The following LRRTM4 variants were observed in gnomAD, a reference collection of about 807,000 sequenced individuals.
The protein encoded by LRRTM4 is leucine rich repeat transmembrane neuronal 4.
A neutral mutation model predicts 47.6 loss-of-function variants in LRRTM4; 25 were observed. The ratio of observed to expected loss-of-function variants is 0.53; its 90% CI spans 0.38 to 0.73. The LOEUF (loss-of-function observed/expected upper bound fraction) is 0.73. Among genes scored for constraint, LRRTM4 ranks in the 30% least tolerant of loss-of-function variants. The probability of loss-of-function intolerance (pLI) is 0.00; values close to 1 mark genes in which losing one functional copy is unlikely to be tolerated. For synonymous variants in LRRTM4, 311 were observed against 269.5 expected (o/e 1.15, Z -1.51); for missense variants, 638 against 713.4 (o/e 0.89, Z 1.20).
intron 3 of LRRTM4, among the ~76,000 whole-genome samples, chr2:77,073,394 T>C (rs1229776204): frequency 6.6e-6 from 1 of 151,084 alleles, no homozygotes; most frequent in African/African-American, 2.5e-5. Flanking sequence ...ATCAGATAAA[T>C]ACATTAATTA....
chr2:77,311,942 C>G lies in LRRTM4; in HGVS notation c.1551+206376G>C, dbSNP rs151182926. Among the ~76,000 whole-genome samples the G allele has an allele frequency of 3.3e-5, 5 of 152,206 alleles. No individual in the cohort carries two copies. In the South Asian group the frequency reaches 1.0e-3, roughly 32 times the overall value. On this transcript the variant is annotated intron_variant, in intron 3 of 3. Transcript: ENST00000409884. The stretch of plus-strand genomic sequence containing the variant: ...GGCAAAGCATGTGGGGCTTAATGGA[C>G]GCTGGTTTTGTTTCCTCCTTACTAC...
At chr2:76,798,598 A>G (rs865898683) in intron 3 of LRRTM4, among the ~76,000 whole-genome samples, 22 of 150,268 alleles carry the variant, frequency 1.5e-4, no homozygotes, top group African/African-American at 5.2e-4. Flanking sequence ...AATAACTAAA[A>G]TCACAGCAGA....
chr2:77,396,127 T>TA (rs1192224185), intron 3 of LRRTM4, among the ~76,000 whole-genome samples: 25 of 151,954 alleles, frequency 1.6e-4, no homozygotes, highest in African/African-American at 5.6e-4. Flanking sequence ...TTTTTTTAAT[T>TA]AAAACCACCA....
At chr2:77,335,051 A>T (rs895751506) in intron 3 of LRRTM4, among the ~76,000 whole-genome samples, 17 of 152,080 alleles carry the variant, frequency 1.1e-4, no homozygotes, top group East Asian at 1.9e-4. Context: ...TTCTCATTTT[A>T]ATGCCTCTAA....
chr2:76,775,170 C>T (rs1176993660), intron 3 of LRRTM4, among the ~76,000 whole-genome samples: 2 of 152,120 alleles, frequency 1.3e-5, no homozygotes, highest in African/African-American at 4.8e-5. Context: ...TTGTTTCTTC[C>T]AGCAGGCATT....
At chr2:77,088,639 G>T (rs572098873) in intron 3 of LRRTM4, among the ~76,000 whole-genome samples, 1 of 152,242 alleles carries the variant, frequency 6.6e-6, no homozygotes, top group African/African-American at 2.4e-5. Context: ...CTCACACAAA[G>T]CCTGTTTGGT....
At chr2:76,752,437 G>T (rs1672883441) in intron 3 of LRRTM4, among the ~76,000 whole-genome samples, 1 of 152,118 alleles carries the variant, frequency 6.6e-6, no homozygotes, top group Non-Finnish European at 1.5e-5. Flanking sequence ...TACAATTGCA[G>T]TTTATTTTTT....
intron 3 of LRRTM4, among the ~76,000 whole-genome samples, chr2:77,509,849 G>C (rs1320992504): frequency 6.6e-6 from 1 of 152,122 alleles, no homozygotes; most frequent in Non-Finnish European, 1.5e-5. Context: ...GAAGTAAAGA[G>C]AGTCTGCTTC....
chr2:76,981,807 A>C (rs568864481), intron 3 of LRRTM4, among the ~76,000 whole-genome samples: 1 of 151,858 alleles, frequency 6.6e-6, no homozygotes, highest in Non-Finnish European at 1.5e-5. Context: ...CTTTTTTTTT[A>C]AATCTATTAA....
At chr2:76,801,692 A>T (rs116540512) in intron 3 of LRRTM4, among the ~76,000 whole-genome samples, 2,214 of 152,212 alleles carry the variant, frequency 0.015, 51 homozygotes, top group African/African-American at 0.049. Flanking sequence ...ACAGGTTAAC[A>T]TCCCTGGTGA....
chr2:76,771,315 T>C (rs962744933), intron 3 of LRRTM4, among the ~76,000 whole-genome samples: 1 of 152,136 alleles, frequency 6.6e-6, no homozygotes, highest in Non-Finnish European at 1.5e-5. Context: ...CTTAGAGGGT[T>C]TCGGTGAGAT....
At chr2:77,086,714 C>T (rs764226550) in intron 3 of LRRTM4, among the ~76,000 whole-genome samples, 4 of 151,982 alleles carry the variant, frequency 2.6e-5, no homozygotes, top group East Asian at 1.9e-4. Flanking sequence ...AGGCTGGTGG[C>T]GAAATCCTGA....
intron 3 of LRRTM4, among the ~76,000 whole-genome samples, chr2:77,047,841 G>T (rs918274949): frequency 2.6e-5 from 4 of 151,992 alleles, no homozygotes; most frequent in African/African-American, 4.8e-5. Flanking sequence ...AACTATTAGG[G>T]TTTATGAACT....
At chr2:76,930,273 C>T (rs1380270798) in intron 3 of LRRTM4, among the ~76,000 whole-genome samples, 1 of 152,110 alleles carries the variant, frequency 6.6e-6, no homozygotes, top group African/African-American at 2.4e-5. Context: ...GGCCTCCAAG[C>T]TTTACAGCAT....
At chr2:77,179,300 C>G (rs917112527) in intron 3 of LRRTM4, among the ~76,000 whole-genome samples, 2 of 152,096 alleles carry the variant, frequency 1.3e-5, no homozygotes, top group African/African-American at 4.8e-5. Flanking sequence ...TAGGATCACT[C>G]CATTTTAGGA....
chr2:77,072,738 G>A (rs1680195724), intron 3 of LRRTM4, among the ~76,000 whole-genome samples: 1 of 139,050 alleles, frequency 7.2e-6, no homozygotes, highest in South Asian at 2.3e-4. Context: ...GATGGAGGTT[G>A]CAGTGAGCCA....
chr2:76,890,326 A>T (rs770944164), intron 3 of LRRTM4, among the ~76,000 whole-genome samples: 22 of 151,998 alleles, frequency 1.4e-4, no homozygotes, highest in Non-Finnish European at 3.1e-4. Flanking sequence ...GCAAAGAGGG[A>T]TGTGCCAAAG....
intron 3 of LRRTM4, among the ~76,000 whole-genome samples, chr2:77,480,152 C>G (rs1052832017): frequency 4.6e-5 from 7 of 151,848 alleles, no homozygotes; most frequent in Non-Finnish European, 8.8e-5. Context: ...TACCATTACA[C>G]GACATTTCCT....
chr2:76,928,395 G>C (rs910281718), intron 3 of LRRTM4, among the ~76,000 whole-genome samples: 1 of 152,126 alleles, frequency 6.6e-6, no homozygotes, highest in Middle Eastern at 3.2e-3. Flanking sequence ...TAGAGGCTGA[G>C]ATGTAAAGAC....
Sources: gnomAD v4.1 joint callset for allele counts (sites outside exome capture counted in the v4.1 genomes callset) on GRCh38, gnomAD v4.1.1 for gene constraint, MANE v1.5 for transcripts, NCBI Gene and HGNC (gene_info 2026-07-23, HGNC 2026-07-21) for gene names.